The following C2orf72 variants were observed in gnomAD, a reference collection of about 807,000 sequenced individuals.
The protein encoded by C2orf72 is chromosome 2 open reading frame 72, also known as uncharacterized protein C2orf72.
A neutral mutation model predicts 14.4 loss-of-function variants in C2orf72; 16 were observed. That is an observed-to-expected ratio of 1.11 (90% CI 0.75 to 1.69). The LOEUF (loss-of-function observed/expected upper bound fraction) is 1.69, where lower values mean the gene tolerates loss of function less well. Among genes scored for constraint, C2orf72 ranks in the 40% most tolerant of loss-of-function variants. The probability of loss-of-function intolerance (pLI) is 0.00; values close to 1 mark genes in which losing one functional copy is unlikely to be tolerated. For synonymous variants in C2orf72, 168 were observed against 176.8 expected (o/e 0.95, Z 0.40); for missense variants, 371 against 358.3 (o/e 1.04, Z -0.29).
In C2orf72 at chr2:231,038,214, G is replaced by A; in HGVS notation, c.634+15G>A. On this transcript the variant is annotated intron_variant, in intron 1 of 2. Transcript: ENST00000373640. ...CGGGCAACCAGGTGAGACTGCGCGG[G>A]GCCCGGCTGGGCGCGGGCGGGCGGT... 8.4e-7 allele frequency: 1 copy of A among 1,185,430 alleles called. No individual in the cohort carries two copies. Among genetic ancestry groups the A allele is most frequent in the East Asian group, 3.6e-5 (1 of 27,932 alleles). 73.4% of individuals were successfully genotyped at this position (1,185,430 alleles called of 1,614,324 possible).
rs951739910 is a variant in C2orf72, at chr2:231,043,005, A to AAAAT, written c.748+1615_748+1618dup. On this transcript the variant is annotated intron_variant, in intron 2 of 2. Coordinates refer to ENST00000373640, the MANE Select transcript of C2orf72 (RefSeq NM_001144994.2). ...GGCAACAAGAGTGAAACTCCGTCTCAAAATAAATAAATAAATAAATAATCA... is the reference window on the plus strand; with the variant it reads ...GGCAACAAGAGTGAAACTCCGTCTCAAAATAAATAAATAAATAAATAAATAATCA... Among the ~76,000 whole-genome samples, 15 of 152,346 alleles carry AAAAT rather than the reference A, an allele frequency of 9.8e-5. No individual in the cohort carries two copies. The South Asian group carries it at 1.0e-3, about 11-fold the overall frequency.
In C2orf72 at chr2:231,038,008, C is replaced by T. The variant is rs915889890; in HGVS notation, c.443C>T (p.Ala148Val). Residue 148 changes from alanine (A) to valine (V), a missense_variant, in exon 1 of 3, where the codon GCC (alanine) becomes GTC (valine). Coordinates refer to ENST00000373640, the MANE Select transcript of C2orf72 (RefSeq NM_001144994.2). Reference protein sequence around the residue: ...AGAALVGVLVAEAGPEDAVAP... With the variant: ...AGAALVGVLVVEAGPEDAVAP... ...GCGGCGCTGGTCGGGGTGCTGGTGGCCGAGGCCGGGCCAGAGGACGCGGTG... is the reference window on the plus strand; with the variant it reads ...GCGGCGCTGGTCGGGGTGCTGGTGGTCGAGGCCGGGCCAGAGGACGCGGTG... 7 of 1,054,236 alleles carry T rather than the reference C, an allele frequency of 6.6e-6. No individual in the cohort carries two copies. Among genetic ancestry groups the T allele is most frequent in the African/African-American group, 1.7e-5 (1 of 58,372 alleles). 65.3% of individuals were successfully genotyped at this position (1,054,236 alleles called of 1,614,324 possible). A position where few individuals can be genotyped will look rare whatever the true frequency, so the allele number is the denominator to read the frequency against.
intron 1 of C2orf72, among the ~76,000 whole-genome samples, chr2:231,040,331 C>T (rs1171604850): frequency 6.6e-6 from 1 of 152,188 alleles, no homozygotes; most frequent in Non-Finnish European, 1.5e-5. Context: ...TCCTGATACC[C>T]TGCCTGGCAT....
rs1345938973 is a variant in C2orf72, at chr2:231,037,834, G to GGGCGGCGGGGGC, written c.278_289dup (p.Gly93_Ala96dup). 10 of 978,776 alleles carry GGGCGGCGGGGGC rather than the reference G, an allele frequency of 1.0e-5. No individual in the cohort carries two copies. The highest frequency in any genetic ancestry group is 5.3e-5 in the African/African-American group (3 of 56,244). The allele number at this position is 978,776 out of a possible 1,614,324, so 60.6% of individuals were successfully genotyped here. ...GCGCAGAGGGCGGCGAGGGCGGCTGGGGCGGCGGGGGCGGCGGCGGCGGCG... is the reference window on the plus strand; with the variant it reads ...GCGCAGAGGGCGGCGAGGGCGGCTGGGGCGGCGGGGGCGGCGGCGGGGGCGGCGGCGGCGGCG... On this transcript the variant is annotated inframe_insertion, in exon 1 of 3. Transcript: ENST00000373640.
chr2:231,040,064 A>G (rs1693319365), intron 1 of C2orf72, among the ~76,000 whole-genome samples: 1 of 152,054 alleles, frequency 6.6e-6, no homozygotes, highest in Non-Finnish European at 1.5e-5. Flanking sequence ...TTTTGTAGAC[A>G]CATTGCTGTT....
chr2:231,047,609 G>A lies in C2orf72; in HGVS notation c.*588G>A, dbSNP rs1693436254. 1 of 225,176 alleles carries A rather than the reference G, an allele frequency of 4.4e-6. No individual in the cohort carries two copies. The allele number at this position is 225,176 out of a possible 1,614,324, so 13.9% of individuals were successfully genotyped here. On this transcript the variant is annotated 3_prime_UTR_variant, in exon 3 of 3. Coordinates refer to ENST00000373640, the MANE Select transcript of C2orf72 (RefSeq NM_001144994.2). ...TGTGGGGGCACCCCTGGCATCTAGT[G>A]GGCATCCCACAATGTGCAGAACAGT...
chr2:231,049,155 A>G lies in C2orf72; in HGVS notation c.*2134A>G, dbSNP rs1003284397. 4.0e-5 allele frequency: 6 copies of G among 148,522 alleles called. No individual in the cohort carries two copies. Among genetic ancestry groups the G allele is most frequent in the African/African-American group, 1.5e-4 (6 of 40,488 alleles). The allele number at this position is 148,522 out of a possible 1,614,324, so 9.2% of individuals were successfully genotyped here. Reference sequence around the variant, plus strand: ...CCCCGCCCTTCCCATCCCCCACTGCACTTCACTCATGTAAGACGTCTGCCC... The same window carrying G: ...CCCCGCCCTTCCCATCCCCCACTGCGCTTCACTCATGTAAGACGTCTGCCC... On this transcript the variant is annotated 3_prime_UTR_variant, in exon 3 of 3. Transcript: ENST00000373640.
At position 231,046,983 on chromosome 2, in the gene C2orf72, G is replaced by T; in HGVS notation, c.850G>T (p.Val284Leu). Residue 284 changes from valine to leucine, a missense_variant, in exon 3 of 3, where the codon GTA becomes TTA. This residue lies in a region of C2orf72 where 145 missense variants were observed against 149.4 expected (regional missense o/e 0.97). Coordinates refer to ENST00000373640, the MANE Select transcript of C2orf72 (RefSeq NM_001144994.2). Reference protein sequence around the residue: ...GRGSKACDGVVHTPAEPTGDS... With the variant: ...GRGSKACDGVLHTPAEPTGDS... ...GGGGTCAAAAGCCTGTGATGGAGTC[G>T]TACACACTCCTGCTGAGCCCACCGG... 6.4e-7 allele frequency: 1 copy of T among 1,551,624 alleles called. No individual in the cohort carries two copies.
chr2:231,040,104 C>T (rs1693319672), intron 1 of C2orf72, among the ~76,000 whole-genome samples: 1 of 152,090 alleles, frequency 6.6e-6, no homozygotes, highest in Admixed American at 6.6e-5. Context: ...TTTCTCCTCC[C>T]TCCTCCTCAC....
chr2:231,040,363 T>C (rs1693325114), intron 1 of C2orf72, among the ~76,000 whole-genome samples: 1 of 152,224 alleles, frequency 6.6e-6, no homozygotes, highest in Non-Finnish European at 1.5e-5. Flanking sequence ...GAATGAATCC[T>C]CCCTTCCTTT....
At chr2:231,041,556 A>G in intron 2 of C2orf72, 147 bp downstream of exon 2, 1 of 607,192 alleles carries the variant, frequency 1.6e-6, no homozygotes, top group South Asian at 2.1e-5. Flanking sequence ...GAGCAATGTG[A>G]GGTGCCCATA....
rs888764471 is a variant in C2orf72 at position 231,038,092 on chromosome 2, G to C, written c.527G>C (p.Gly176Ala). The change falls in exon 1 of 3, where the codon GGG becomes GCG. Residue 176 changes from glycine (G) to alanine (A), a missense_variant. Gly to Ala is a moderately conservative substitution (Grantham distance 60). This residue lies in a region of C2orf72 where 145 missense variants were observed against 149.4 expected (regional missense o/e 0.97). Transcript: ENST00000373640. ...LLRAVFGRQA[G>A]GPVQAAAYCP... ...CGCGCCGTGTTCGGCCGCCAGGCGG[G>C]GGGGCCCGTGCAGGCGGCCGCCTAC... 2 of 1,149,806 alleles carry C rather than the reference G, an allele frequency of 1.7e-6. No individual in the cohort carries two copies. The highest frequency in any genetic ancestry group is 4.8e-5 in the Admixed American group (1 of 20,926). The allele number at this position is 1,149,806 out of a possible 1,614,324, so 71.2% of individuals were successfully genotyped here.
At chr2:231,044,830 C>T (rs1051617039) in intron 2 of C2orf72, among the ~76,000 whole-genome samples, 1 of 150,340 alleles carries the variant, frequency 6.7e-6, no homozygotes, top group Non-Finnish European at 1.5e-5. Flanking sequence ...GCTGTCACCT[C>T]CTATGATAAA....
chr2:231,037,838 G>A lies in C2orf72; in HGVS notation c.273G>A (p.Ala91=), dbSNP rs1220112975. 5.1e-6 allele frequency: 5 copies of A among 979,484 alleles called. No homozygotes were observed. The East Asian group carries it at 5.8e-4, about 113-fold the overall frequency. 60.7% of individuals were successfully genotyped at this position (979,484 alleles called of 1,614,324 possible). A position where few individuals can be genotyped will look rare whatever the true frequency, so the allele number is the denominator to read the frequency against. ...GAQRAARAAG[A]AGAAAAAARA... is the part of the protein sequence containing the mutation. ...AGAGGGCGGCGAGGGCGGCTGGGGC[G>A]GCGGGGGCGGCGGCGGCGGCGGCGC... The change falls in exon 1 of 3, where the codon GCG becomes GCA. Residue 91 remains alanine (A), a synonymous_variant. Coordinates refer to ENST00000373640, the MANE Select transcript of C2orf72 (RefSeq NM_001144994.2).
rs191852020 is a variant in C2orf72 at position 231,047,007 on chromosome 2, G to T, written c.874G>T (p.Gly292Ter). Residue 292 changes from glycine to a stop codon, truncating the protein, a stop_gained, in exon 3 of 3, where the codon GGA becomes TGA. Transcript: ENST00000373640. LOFTEE classifies it high-confidence loss of function. ...CGTACACACTCCTGCTGAGCCCACCGGAGACTCAAGATGAAGGCTGGACCC... is the reference window on the plus strand; with the variant it reads ...CGTACACACTCCTGCTGAGCCCACCTGAGACTCAAGATGAAGGCTGGACCC... ...GVVHTPAEPT[G>*]DSR is the part of the protein sequence containing the mutation. 1.9e-6 allele frequency: 3 copies of T among 1,551,518 alleles called. No homozygotes were observed. The highest frequency in any genetic ancestry group is 2.0e-5 in the Admixed American group (1 of 50,986).
chr2:231,040,606 A>C (rs1693328496), intron 1 of C2orf72, among the ~76,000 whole-genome samples: 1 of 152,232 alleles, frequency 6.6e-6, no homozygotes, highest in South Asian at 2.1e-4. Context: ...AGATTTCGCT[A>C]GTGGTTGGAT....
In C2orf72 at chr2:231,048,348, T is replaced by C. The variant is rs1693445854; in HGVS notation, c.*1327T>C. On this transcript the variant is annotated 3_prime_UTR_variant, in exon 3 of 3. Coordinates refer to ENST00000373640, the MANE Select transcript of C2orf72 (RefSeq NM_001144994.2). ...GCAGCAGACACACAACTGCGCCTAC[T>C]ATTTGCTCGGTGCCCTGCAAGGTGC... 1 of 152,318 alleles carries C rather than the reference T, an allele frequency of 6.6e-6. No homozygotes were observed. The highest frequency in any genetic ancestry group is 1.5e-5 in the Non-Finnish European group (1 of 68,094). The allele number at this position is 152,318 out of a possible 1,614,324, so 9.4% of individuals were successfully genotyped here. A position where few individuals can be genotyped will look rare whatever the true frequency, so the allele number is the denominator to read the frequency against.
Position 231,038,097 on chromosome 2 carries a change from C to T in C2orf72, c.532C>T (p.Pro178Ser), listed in dbSNP as rs902969074. The change falls in exon 1 of 3, where the codon CCC (proline) becomes TCC (serine). Residue 178 changes from proline (P) to serine (S), a missense_variant. This residue lies in a region of C2orf72 where 145 missense variants were observed against 149.4 expected (regional missense o/e 0.97). Coordinates refer to ENST00000373640, the MANE Select transcript of C2orf72 (RefSeq NM_001144994.2). ...RAVFGRQAGGPVQAAAYCPGL... is the reference protein window; with the variant it reads ...RAVFGRQAGGSVQAAAYCPGL... ...CGTGTTCGGCCGCCAGGCGGGGGGG[C>T]CCGTGCAGGCGGCCGCCTACTGCCC... 2.6e-6 allele frequency: 3 copies of T among 1,152,206 alleles called. No homozygotes were observed. Among genetic ancestry groups the T allele is most frequent in the Non-Finnish European group, 3.2e-6 (3 of 937,220 alleles). 71.4% of individuals were successfully genotyped at this position (1,152,206 alleles called of 1,614,324 possible).
Position 231,037,596 on chromosome 2 carries a change from C to G in C2orf72, c.31C>G (p.Arg11Gly), listed in dbSNP as rs1189564690. 8.4e-6 allele frequency: 9 copies of G among 1,071,494 alleles called. No homozygotes were observed. In the South Asian group the frequency reaches 8.5e-5, roughly 10 times the overall value. The allele number at this position is 1,071,494 out of a possible 1,614,324, so 66.4% of individuals were successfully genotyped here. ...GCGCGAGCTGGAGGCGCTGGCGGCC[C>G]GGCTTGCGCGCCCTGCCGAGCCGCC... MERELEALAA[R>G]LARPAEPPFQ... Residue 11 changes from arginine (R) to glycine (G), a missense_variant, in exon 1 of 3, where the codon CGG becomes GGG. Around this residue, in one of 3 missense-constraint regions of C2orf72, gnomAD observed 214 missense variants for 178.7 expected, o/e 1.20. Coordinates refer to ENST00000373640, the MANE Select transcript of C2orf72 (RefSeq NM_001144994.2).
Sources: allele counts gnomAD v4.1 joint callset (sites outside exome capture counted in the v4.1 genomes callset), GRCh38; gene constraint gnomAD v4.1.1; regional missense constraint gnomAD v4.1.1; transcripts MANE v1.5; gene names NCBI Gene and HGNC (gene_info 2026-07-23, HGNC 2026-07-21).